Variants in TRMT10A observed in about 807,000 individuals in gnomAD.
TRMT10A encodes tRNA methyltransferase 10A, also known as tRNA methyltransferase 10 homolog A.
TRMT10A carries 37 observed loss-of-function variants against 40.4 expected under a neutral mutation model. That is an observed-to-expected ratio of 0.92 (90% confidence interval 0.71 to 1.21). The LOEUF (loss-of-function observed/expected upper bound fraction) is 1.21, where lower values mean the gene tolerates loss of function less well. Ranked by LOEUF, TRMT10A falls within the 50% of genes most tolerant of loss-of-function variation. TRMT10A has a pLI of 0.00. For missense variants in TRMT10A, 388 were observed against 404.3 expected, an observed-to-expected ratio of 0.96 and a Z score of 0.35; for synonymous variants, 103 against 134.1, an observed-to-expected ratio of 0.77 and a Z score of 1.60.
intron 6 of TRMT10A, 112 bp downstream of exon 6, chr4:99,553,673 T>G (rs770136768): frequency 1.6e-5 from 17 of 1,053,932 alleles, no homozygotes; most frequent in Non-Finnish European, 2.1e-5. Flanking sequence ...GACTGACATA[T>G]AGTAGGCACT....
At chr4:99,560,524 A>G (rs1724345568) in intron 1 of TRMT10A, among the ~76,000 whole-genome samples, 1 of 152,150 alleles carries the variant, frequency 6.6e-6, no homozygotes, top group Admixed American at 6.5e-5. Flanking sequence ...AATAAGAGAG[A>G]TACAGGAAAA....
At chr4:99,555,170 T>C (rs1031688712) in intron 5 of TRMT10A, among the ~76,000 whole-genome samples, 10 of 152,206 alleles carry the variant, frequency 6.6e-5, no homozygotes, top group Admixed American at 3.3e-4. Context: ...TTTTAATTTA[T>C]TACACTAGTT....
Position 99,559,164 on chromosome 4 carries a change from C to G in TRMT10A, c.175G>C (p.Glu59Gln). Residue 59 changes from glutamate (E) to glutamine (Q), a missense_variant, in exon 2 of 8, where the codon GAA (glutamate) becomes CAA (glutamine). Transcript: ENST00000394876. ...IKQKQWEEQR[E>Q]LRKQKRKEKR... is the part of the protein sequence containing the mutation. ...TTTTGAAACACATACTTGCGGAGTT[C>G]CCGTTGCTCTTCCCATTGTTTCTGT... is the stretch of plus-strand genomic sequence containing the variant. 6.2e-7 allele frequency: 1 copy of G among 1,611,774 alleles called. No individual in the cohort carries two copies. Among genetic ancestry groups the G allele is most frequent in the Non-Finnish European group, 8.5e-7 (1 of 1,178,656 alleles).
At chr4:99,563,825 G>A (rs1158474157) in intron 1 of TRMT10A, 88 bp downstream of exon 1, 3 of 643,722 alleles carry the variant, frequency 4.7e-6, no homozygotes, top group East Asian at 6.3e-5. Context: ...AGCCCTTGTT[G>A]CTAGTAGGGG....
intron 5 of TRMT10A, among the ~76,000 whole-genome samples, chr4:99,555,654 C>T (rs1724135403): frequency 6.6e-6 from 1 of 152,128 alleles, no homozygotes; most frequent in Non-Finnish European, 1.5e-5. Context: ...CATTCTTTCT[C>T]TTTTGTGGTA....
Position 99,547,813 on chromosome 4 carries a change from A to G in TRMT10A, c.*1275T>C, listed in dbSNP as rs899086618. The G allele has an allele frequency of 1.1e-4, 16 of 152,038 alleles. No individual in the cohort carries two copies. Among genetic ancestry groups the G allele is most frequent in the Non-Finnish European group, 1.6e-4 (11 of 67,966 alleles). The allele number at this position is 152,038 out of a possible 1,614,324, so 9.4% of individuals were successfully genotyped here. A position where few individuals can be genotyped will look rare whatever the true frequency, so the allele number is the denominator to read the frequency against. On this transcript the variant is annotated 3_prime_UTR_variant, in exon 8 of 8. Coordinates refer to ENST00000394876, the MANE Select transcript of TRMT10A (RefSeq NM_001134665.3). ...ATAGTATGTTATATACTTTTTAAAT[A>G]TAACTTTTATATATTAAAAAGAAGA...
At chr4:99,551,339 C>T (rs969253195) in intron 6 of TRMT10A, among the ~76,000 whole-genome samples, 3 of 152,174 alleles carry the variant, frequency 2.0e-5, no homozygotes, top group South Asian at 4.1e-4. Context: ...TTCTACCCTG[C>T]CTTTATCTCA....
chr4:99,563,245 G>C (rs772190001), intron 1 of TRMT10A: 1 of 152,370 alleles, frequency 6.6e-6, no homozygotes, highest in Non-Finnish European at 1.5e-5. Context: ...AATTCTTTCA[G>C]AAAGTGACAA....
chr4:99,561,263 C>T (rs1724381124), intron 1 of TRMT10A, among the ~76,000 whole-genome samples: 1 of 152,100 alleles, frequency 6.6e-6, no homozygotes, highest in African/African-American at 2.4e-5. Flanking sequence ...CCAGGCCCGG[C>T]CTACGTGAAG....
rs1343353982 is a variant in TRMT10A, at chr4:99,548,884, T to A, written c.*204A>T. The A allele has an allele frequency of 2.1e-6, 1 of 487,610 alleles. No homozygotes were observed. Among genetic ancestry groups the A allele is most frequent in the East Asian group, 3.4e-5 (1 of 29,522 alleles). 30.2% of individuals were successfully genotyped at this position (487,610 alleles called of 1,614,324 possible). On this transcript the variant is annotated 3_prime_UTR_variant, in exon 8 of 8. Transcript: ENST00000394876. ...AAACAAAAAAAATCACATACACATT[T>A]AAATCTTCTTACGCAAAATCAAAAA... is the stretch of plus-strand genomic sequence containing the variant.
At chr4:99,549,431 T>G in intron 7 of TRMT10A, 75 bp from the exon 8 acceptor site, 1 of 1,546,024 alleles carries the variant, frequency 6.5e-7, no homozygotes, top group Non-Finnish European at 8.8e-7. Context: ...TTAAAATACA[T>G]TGCCTTTGTG....
At chr4:99,557,463 T>C (rs775342196) in intron 3 of TRMT10A, 47 bp from the exon 4 acceptor site, 5 of 1,549,862 alleles carry the variant, frequency 3.2e-6, no homozygotes, top group East Asian at 4.5e-5. Flanking sequence ...AAATTGTCTA[T>C]GGCCATTCTA....
intron 5 of TRMT10A, among the ~76,000 whole-genome samples, chr4:99,554,168 C>T (rs1185752960): frequency 2.6e-5 from 4 of 152,260 alleles, no homozygotes; most frequent in East Asian, 3.9e-4. Flanking sequence ...CCTCAGACCC[C>T]TCCAACCTAC....
intron 1 of TRMT10A, chr4:99,563,274 C>T (rs1724527000): frequency 1.3e-5 from 2 of 152,638 alleles, no homozygotes; most frequent in Admixed American, 6.5e-5. Flanking sequence ...TTGCCATCCT[C>T]TTCATATCTG....
Position 99,563,914 on chromosome 4 carries a change from G to C in TRMT10A, c.-25C>G. On this transcript the variant is annotated splice_region_variant and 5_prime_UTR_variant, in exon 1 of 8. Coordinates refer to ENST00000394876, the MANE Select transcript of TRMT10A (RefSeq NM_001134665.3). ...GCCAACCAGTGCCAGGACACTTACC[G>C]AGCTGAAGAGTTGACAGGGAAGTGA... The C allele has an allele frequency of 1.3e-6, 1 of 769,514 alleles. No individual in the cohort carries two copies. The highest frequency in any genetic ancestry group is 1.7e-5 in the African/African-American group (1 of 58,504). 47.7% of individuals were successfully genotyped at this position (769,514 alleles called of 1,614,324 possible). A position where few individuals can be genotyped will look rare whatever the true frequency, so the allele number is the denominator to read the frequency against.
intron 3 of TRMT10A, chr4:99,557,847 C>T: frequency 2.0e-6 from 1 of 507,272 alleles, no homozygotes; most frequent in Admixed American, 3.8e-5. Flanking sequence ...CACATACTGA[C>T]ACACACACAT....
At chr4:99,559,043 T>C in intron 2 of TRMT10A, 111 bp downstream of exon 2, 2 of 1,155,702 alleles carry the variant, frequency 1.7e-6, no homozygotes, top group South Asian at 4.6e-5. Context: ...CTAAAATTAG[T>C]AATTGAATTT....
intron 2 of TRMT10A, 105 bp from the exon 3 acceptor site, chr4:99,558,316 T>G (rs115800975): frequency 3.7e-4 from 388 of 1,042,074 alleles, no homozygotes; most frequent in South Asian, 3.8e-4. Flanking sequence ...TTAAATCATA[T>G]GAAATTGTCA....
chr4:99,557,231 C>T, intron 4 of TRMT10A, 114 bp downstream of exon 4: 1 of 1,003,806 alleles, frequency 1.0e-6, no homozygotes, highest in Non-Finnish European at 1.4e-6. Context: ...TTCACATAGG[C>T]ATTAAACAAG....
Sources: allele counts gnomAD v4.1 joint callset (sites outside exome capture counted in the v4.1 genomes callset), GRCh38; gene constraint gnomAD v4.1.1; transcripts MANE v1.5; gene names NCBI Gene and HGNC (gene_info 2026-07-23, HGNC 2026-07-21).